THADA: variants seen among roughly 807,000 people sequenced by gnomAD.
THADA encodes the protein THADA armadillo repeat containing.
Under a neutral mutation model 219.8 loss-of-function variants are expected in THADA, and 213 were observed. The observed-to-expected ratio is 0.97, with a 90% CI of 0.87 to 1.09. The LOEUF (loss-of-function observed/expected upper bound fraction) is 1.09. THADA is among the 50% of genes least tolerant of loss of function. The probability of loss-of-function intolerance (pLI) is 0.00; values close to 1 mark genes in which losing one functional copy is unlikely to be tolerated. For missense variants in THADA, 2,956 were observed against 2,311.3 expected, an observed-to-expected ratio of 1.28 and a Z score of -5.72; for synonymous variants, 1,018 against 828.9, an observed-to-expected ratio of 1.23 and a Z score of -3.92.
At chr2:43,409,596 A>C (rs958296375) in intron 28 of THADA, among the ~76,000 whole-genome samples, 1 of 152,214 alleles carries the variant, frequency 6.6e-6, no homozygotes, top group Non-Finnish European at 1.5e-5. Flanking sequence ...CAGTCAAAAA[A>C]AATACTTCCT....
intron 22 of THADA, among the ~76,000 whole-genome samples, chr2:43,520,998 A>G (rs149635673): frequency 0.015 from 864 of 56,920 alleles, 14 homozygotes; most frequent in Non-Finnish European, 0.02. Context: ...GAAAGGGAGG[A>G]AAGGGAGGGA....
At chr2:43,448,563 T>TC (rs1004942281) in intron 26 of THADA, among the ~76,000 whole-genome samples, 17 of 148,956 alleles carry the variant, frequency 1.1e-4, no homozygotes, top group Non-Finnish European at 1.5e-4. Context: ...TTCCTTTCTT[T>TC]TTTTTTTTTT....
Position 43,592,004 on chromosome 2 carries a change from A to G in THADA, c.119T>C (p.Leu40Ser), listed in dbSNP as rs939793088. 1 of 1,563,918 alleles carries G rather than the reference A, an allele frequency of 6.4e-7. No individual in the cohort carries two copies. The highest frequency in any genetic ancestry group is 1.2e-5 in the South Asian group (1 of 84,110). ...TCCATCCGTGAGTTGCACACAATGTAACAGCAAAGAAGCTAGATTTTTCCC... is the reference window on the plus strand; with the variant it reads ...TCCATCCGTGAGTTGCACACAATGTGACAGCAAAGAAGCTAGATTTTTCCC... ...VEGKNLASLL[L>S]HCVQLTDGVS... The change falls in exon 3 of 38, where the codon TTA becomes TCA. Residue 40 changes from leucine (L) to serine (S), a missense_variant. Transcript: ENST00000405975.
intron 36 of THADA, among the ~76,000 whole-genome samples, chr2:43,273,186 T>C (rs1572865074): frequency 6.9e-6 from 1 of 143,944 alleles, no homozygotes; most frequent in Non-Finnish European, 1.5e-5. Context: ...GAGGCGGAGG[T>C]TGCAGTGAGC....
chr2:43,527,899 T>C lies in THADA; in HGVS notation c.3354A>G (p.Lys1118=). The part of the protein sequence containing the change: ...AFELAYTGFV[K]LTEVLNRCPN... ...TTTACCTGTTTAGTACTTCAGTGAG[T>C]TTCACAAAACCAGTATAAGCCAATT... The change falls in exon 22 of 38, where the codon AAA becomes AAG. Residue 1118 remains lysine, a synonymous_variant. Coordinates refer to ENST00000405975, the MANE Select transcript of THADA (RefSeq NM_022065.5). The C allele has an allele frequency of 3.7e-6, 6 of 1,612,672 alleles. No homozygotes were observed. Among genetic ancestry groups the C allele is most frequent in the Non-Finnish European group, 5.1e-6 (6 of 1,179,100 alleles).
chr2:43,371,668 C>T (rs1316702646), intron 29 of THADA, among the ~76,000 whole-genome samples: 5 of 152,172 alleles, frequency 3.3e-5, no homozygotes, highest in South Asian at 2.1e-4. Context: ...TGTTAACTCA[C>T]CCCTGAATGC....
At chr2:43,540,372 T>C (rs1453937244) in intron 21 of THADA, among the ~76,000 whole-genome samples, 1 of 152,208 alleles carries the variant, frequency 6.6e-6, no homozygotes, top group African/African-American at 2.4e-5. Flanking sequence ...ATTAGCATTA[T>C]TTCCATGGAA....
Position 43,286,905 on chromosome 2 carries a change from T to C in THADA, c.5164+3A>G. 1.2e-6 allele frequency: 2 copies of C among 1,609,086 alleles called. No homozygotes were observed. Among genetic ancestry groups the C allele is most frequent in the Non-Finnish European group, 1.7e-6 (2 of 1,175,730 alleles). On this transcript the variant is annotated splice_donor_region_variant and intron_variant, in intron 35 of 37. Coordinates refer to ENST00000405975, the MANE Select transcript of THADA (RefSeq NM_022065.5). Reference sequence around the variant, plus strand: ...CAACAGACTTCCGTCTCGGCGCACTTACCAAGAATAGGATGGGGGTTGGTG... The same window carrying C: ...CAACAGACTTCCGTCTCGGCGCACTCACCAAGAATAGGATGGGGGTTGGTG...
chr2:43,544,537 C>A (rs1344050960), intron 20 of THADA, among the ~76,000 whole-genome samples: 2 of 152,030 alleles, frequency 1.3e-5, no homozygotes, highest in South Asian at 4.1e-4. Flanking sequence ...TCCTTGTATC[C>A]TCTTTTATTT....
chr2:43,383,695 C>T (rs2104664342), intron 29 of THADA, among the ~76,000 whole-genome samples: 1 of 152,262 alleles, frequency 6.6e-6, no homozygotes, highest in Admixed American at 6.5e-5. Flanking sequence ...CTAACCAGTT[C>T]TAAGCAATGC....
At position 43,551,824 on chromosome 2, in the gene THADA, G is replaced by A. The variant is rs756896707; in HGVS notation, c.2912C>T (p.Ser971Phe). Residue 971 changes from serine (S) to phenylalanine (F), a missense_variant, in exon 19 of 38, where the codon TCC (serine) becomes TTC (phenylalanine). Ser to Phe is a radical substitution (Grantham distance 155). Transcript: ENST00000405975. ...GTCCATTGGGATGAGGCCTTCAGGG[G>A]ATGAGCTCTGAATGACTGGAGACAC... The part of the protein sequence containing the change: ...TVVSPVIQSS[S>F]PEGLIPMDTD... 2.5e-6 allele frequency: 4 copies of A among 1,613,804 alleles called. No homozygotes were observed. Among genetic ancestry groups the A allele is most frequent in the Non-Finnish European group, 2.5e-6 (3 of 1,179,832 alleles).
At chr2:43,585,346 CAAAA>C (rs34682195) in intron 7 of THADA, among the ~76,000 whole-genome samples, 7 of 95,354 alleles carry the variant, frequency 7.3e-5, no homozygotes, top group Admixed American at 1.3e-4. Context: ...CTCATTCCTA[CAAAA>C]AAAAAAAAAA....
chr2:43,387,077 A>G (rs887191085), intron 29 of THADA, among the ~76,000 whole-genome samples: 1 of 152,158 alleles, frequency 6.6e-6, no homozygotes, highest in African/African-American at 2.4e-5. Flanking sequence ...CTCTGTTTTT[A>G]GAGAAGATTC....
intron 26 of THADA, among the ~76,000 whole-genome samples, chr2:43,433,358 T>C (rs1233307546): frequency 1.3e-5 from 2 of 151,940 alleles, no homozygotes; most frequent in African/African-American, 4.8e-5. Context: ...GGAGAAACTG[T>C]CTCTACTAAA....
intron 26 of THADA, among the ~76,000 whole-genome samples, chr2:43,456,939 T>C (rs1357650293): frequency 6.6e-6 from 1 of 152,172 alleles, no homozygotes; most frequent in Non-Finnish European, 1.5e-5. Flanking sequence ...ATTGAAAGCA[T>C]GAATAAAATT....
intron 29 of THADA, among the ~76,000 whole-genome samples, chr2:43,380,214 A>G (rs1671834096): frequency 6.6e-6 from 1 of 152,264 alleles, no homozygotes; most frequent in South Asian, 2.1e-4. Context: ...AAAAGAACCC[A>G]ACTGTGGTGA....
chr2:43,340,761 A>G (rs974219775), intron 30 of THADA, among the ~76,000 whole-genome samples: 3 of 152,190 alleles, frequency 2.0e-5, no homozygotes, highest in African/African-American at 7.2e-5. Context: ...CAGTAGTTGA[A>G]TTTGGAATAC....
At chr2:43,292,801 G>A (rs779801296) in intron 32 of THADA, 33 bp downstream of exon 32, 1 of 1,590,178 alleles carries the variant, frequency 6.3e-7, no homozygotes, top group South Asian at 1.1e-5. Flanking sequence ...TGTGGGGAGT[G>A]TAAAGGGCCA....
At chr2:43,580,876 T>C (rs1458176809) in intron 8 of THADA, among the ~76,000 whole-genome samples, 3 of 150,710 alleles carry the variant, frequency 2.0e-5, no homozygotes, top group African/African-American at 2.4e-5. Context: ...AGAGACTCCA[T>C]CTCAGACAAA....
Sources: allele counts gnomAD v4.1 joint callset (sites outside exome capture counted in the v4.1 genomes callset), GRCh38; gene constraint gnomAD v4.1.1; transcripts MANE v1.5; gene names NCBI Gene and HGNC (gene_info 2026-07-23, HGNC 2026-07-21).